The following RNGTT variants were observed in gnomAD, a reference collection of about 807,000 sequenced individuals.
RNGTT encodes the protein mRNA-capping enzyme.
A neutral mutation model predicts 79.3 loss-of-function variants in RNGTT; 33 were observed. The observed-to-expected ratio is 0.42, with a 90% CI of 0.32 to 0.56. The LOEUF is 0.56. Ranked by LOEUF, RNGTT falls within the 20% of genes least tolerant of loss-of-function variation. The pLI, the probability that RNGTT is intolerant of heterozygous loss-of-function variation, is 0.17. For synonymous variants in RNGTT, 222 were observed against 235.9 expected (o/e 0.94, Z 0.54); for missense variants, 497 against 739.1 (o/e 0.67, Z 3.80).
intron 13 of RNGTT, among the ~76,000 whole-genome samples, chr6:88,736,473 T>C (rs927581975): frequency 1.3e-5 from 2 of 152,212 alleles, no homozygotes; most frequent in Non-Finnish European, 2.9e-5. Flanking sequence ...GAATGATAAC[T>C]AACTTCTCTA....
At chr6:88,726,402 A>G (rs1007080097) in intron 13 of RNGTT, among the ~76,000 whole-genome samples, 15 of 146,228 alleles carry the variant, frequency 1.0e-4, no homozygotes, top group Admixed American at 8.7e-4. Context: ...AAAAAAAAAA[A>G]AAAAAGCAAA....
chr6:88,882,264 G>A (rs1782715171), intron 8 of RNGTT, among the ~76,000 whole-genome samples: 1 of 152,002 alleles, frequency 6.6e-6, no homozygotes, highest in South Asian at 2.1e-4. Context: ...TAATCAACTG[G>A]GAATTTATCT....
chr6:88,820,763 T>C (rs568102652), intron 11 of RNGTT, among the ~76,000 whole-genome samples: 5 of 152,184 alleles, frequency 3.3e-5, no homozygotes, highest in African/African-American at 9.6e-5. Flanking sequence ...CATATAAAAA[T>C]CTGTATTAGA....
At chr6:88,914,556 A>C (rs938137135) in intron 4 of RNGTT, among the ~76,000 whole-genome samples, 1 of 152,196 alleles carries the variant, frequency 6.6e-6, no homozygotes, top group East Asian at 1.9e-4. Flanking sequence ...CCTATTCGAT[A>C]AAGTGTGCTA....
chr6:88,793,304 T>C (rs896375742), intron 12 of RNGTT, among the ~76,000 whole-genome samples: 1 of 152,238 alleles, frequency 6.6e-6, no homozygotes, highest in Admixed American at 6.5e-5. Flanking sequence ...ATAACTAGTA[T>C]AGTACAGTGC....
intron 10 of RNGTT, among the ~76,000 whole-genome samples, chr6:88,845,344 T>C (rs1781450192): frequency 6.6e-6 from 1 of 152,224 alleles, no homozygotes; most frequent in Admixed American, 6.5e-5. Flanking sequence ...CCCTTGAATG[T>C]TCTTAAAGCA....
At chr6:88,812,831 A>G (rs1780185540) in intron 11 of RNGTT, among the ~76,000 whole-genome samples, 1 of 152,220 alleles carries the variant, frequency 6.6e-6, no homozygotes. Context: ...AATGCTTTCA[A>G]TAGAGATGCT....
intron 13 of RNGTT, among the ~76,000 whole-genome samples, chr6:88,753,901 G>A (rs1777922179): frequency 6.6e-6 from 1 of 152,010 alleles, no homozygotes; most frequent in African/African-American, 2.4e-5. Context: ...AAAAGGCCTT[G>A]ACAAATGTAA....
intron 14 of RNGTT, among the ~76,000 whole-genome samples, chr6:88,619,676 A>AT (rs1163827989): frequency 6.6e-6 from 1 of 152,100 alleles, no homozygotes; most frequent in Admixed American, 6.5e-5. Context: ...TAAATTGACC[A>AT]TTTTTTTCTT....
At chr6:88,951,917 T>C (rs1333949040) in intron 1 of RNGTT, among the ~76,000 whole-genome samples, 1 of 152,178 alleles carries the variant, frequency 6.6e-6, no homozygotes, top group Non-Finnish European at 1.5e-5. Flanking sequence ...ATGAATTTTC[T>C]TAAGCAGAAT....
chr6:88,822,433 C>T (rs1292795090), intron 11 of RNGTT, among the ~76,000 whole-genome samples: 3 of 152,122 alleles, frequency 2.0e-5, no homozygotes, highest in East Asian at 1.9e-4. Context: ...TTAAAAGTTG[C>T]TAACTATGTT....
chr6:88,956,207 T>C (rs1785426932), intron 1 of RNGTT, among the ~76,000 whole-genome samples: 1 of 151,808 alleles, frequency 6.6e-6, no homozygotes, highest in African/African-American at 2.4e-5. Flanking sequence ...GATCATTCAA[T>C]AGTACTATGA....
chr6:88,631,484 G>GT (rs1057170733), intron 14 of RNGTT, among the ~76,000 whole-genome samples: 2 of 152,198 alleles, frequency 1.3e-5, no homozygotes, highest in Admixed American at 6.5e-5. Flanking sequence ...TCACAAAGGA[G>GT]TAAGGGAGCA....
At chr6:88,724,879 C>A (rs1358544867) in intron 13 of RNGTT, among the ~76,000 whole-genome samples, 1 of 152,078 alleles carries the variant, frequency 6.6e-6, no homozygotes, top group African/African-American at 2.4e-5. Flanking sequence ...TTAAATTAGC[C>A]AATCAGAATC....
At chr6:88,858,702 G>C (rs925761917) in intron 8 of RNGTT, among the ~76,000 whole-genome samples, 9 of 152,166 alleles carry the variant, frequency 5.9e-5, no homozygotes, top group Non-Finnish European at 2.9e-5. Flanking sequence ...CGGCAACGCT[G>C]ATATTAAAAT....
At chr6:88,785,024 T>C (rs1779183648) in intron 12 of RNGTT, among the ~76,000 whole-genome samples, 1 of 152,154 alleles carries the variant, frequency 6.6e-6, no homozygotes, top group African/African-American at 2.4e-5. Flanking sequence ...AACCACGTGA[T>C]TGTATTATCT....
chr6:88,731,310 T>C (rs1477031311), intron 13 of RNGTT, among the ~76,000 whole-genome samples: 1 of 152,188 alleles, frequency 6.6e-6, no homozygotes, highest in Non-Finnish European at 1.5e-5. Flanking sequence ...CCAATCTACT[T>C]CACTTCCTAT....
chr6:88,621,689 C>A (rs1772448688), intron 14 of RNGTT, among the ~76,000 whole-genome samples: 1 of 151,806 alleles, frequency 6.6e-6, no homozygotes, highest in African/African-American at 2.4e-5. Context: ...GTATGCGAGG[C>A]CATTAGTTTG....
intron 13 of RNGTT, 42 bp downstream of exon 13, chr6:88,769,732 A>G (rs770786943): frequency 8.3e-7 from 1 of 1,198,102 alleles, no homozygotes; most frequent in South Asian, 1.3e-5. Context: ...CCTTACACAA[A>G]CAGTATTATT....
Sources: allele counts gnomAD v4.1 joint callset (sites outside exome capture counted in the v4.1 genomes callset), GRCh38; gene constraint gnomAD v4.1.1; transcripts MANE v1.5; gene names NCBI Gene and HGNC (gene_info 2026-07-23, HGNC 2026-07-21).